The following KLHL29 variants were observed in gnomAD, a reference collection of about 807,000 sequenced individuals.
KLHL29 encodes the protein kelch like family member 29, also known as kelch-like protein 29.
A neutral mutation model predicts 80.4 loss-of-function variants in KLHL29; 21 were observed. That is an observed-to-expected ratio of 0.26 (90% CI 0.19 to 0.38). The LOEUF (loss-of-function observed/expected upper bound fraction) is 0.38. Among genes scored for constraint, KLHL29 ranks in the 10% least tolerant of loss-of-function variants. KLHL29 has a pLI of 1.00. For missense variants in KLHL29, 867 were observed against 1,223.9 expected (o/e 0.71, Z 4.35); for synonymous variants, 511 against 526.8 (o/e 0.97, Z 0.41).
At chr2:23,685,993 G>T (rs928411592) in intron 6 of KLHL29, among the ~76,000 whole-genome samples, 1 of 152,158 alleles carries the variant, frequency 6.6e-6, no homozygotes, top group Non-Finnish European at 1.5e-5. Context: ...CAGGGCCCTC[G>T]GATGGCTTTC....
intron 11 of KLHL29, among the ~76,000 whole-genome samples, chr2:23,698,204 CG>C (rs1558448198): frequency 1.3e-5 from 2 of 152,260 alleles, no homozygotes; most frequent in South Asian, 2.1e-4. Context: ...GAGACCACCC[CG>C]GGAACCCCAA....
At chr2:23,453,030 T>A (rs1322949781) in intron 1 of KLHL29, among the ~76,000 whole-genome samples, 1 of 151,910 alleles carries the variant, frequency 6.6e-6, no homozygotes, top group Non-Finnish European at 1.5e-5. Flanking sequence ...TGGGTCTGGG[T>A]TTGCCTCCCC....
At chr2:23,461,345 G>A (rs1412143203) in intron 1 of KLHL29, among the ~76,000 whole-genome samples, 1 of 152,064 alleles carries the variant, frequency 6.6e-6, no homozygotes, top group East Asian at 1.9e-4. Flanking sequence ...TCCTACTTTG[G>A]GTCTGAGCTC....
At chr2:23,421,092 G>T (rs961937913) in intron 1 of KLHL29, among the ~76,000 whole-genome samples, 3 of 152,228 alleles carry the variant, frequency 2.0e-5, no homozygotes, top group African/African-American at 7.2e-5. Flanking sequence ...CTGAGGCTCA[G>T]AAAGGCAGGG....
At chr2:23,422,632 CTGTGTTGTGTA>C (rs1485748919) in intron 1 of KLHL29, among the ~76,000 whole-genome samples, 1 of 149,080 alleles carries the variant, frequency 6.7e-6, no homozygotes, top group East Asian at 2.0e-4. Flanking sequence ...CTGTCTGTGT[CTGTGTTGTGTA>C]TGTGCCTGTG....
intron 5 of KLHL29, among the ~76,000 whole-genome samples, chr2:23,657,976 C>A (rs1375324573): frequency 6.6e-6 from 1 of 152,128 alleles, no homozygotes; most frequent in Non-Finnish European, 1.5e-5. Flanking sequence ...AGCCACGGGG[C>A]AGTTCGTGGA....
intron 1 of KLHL29, among the ~76,000 whole-genome samples, chr2:23,453,896 A>G (rs1301878587): frequency 3.9e-5 from 6 of 152,122 alleles, no homozygotes; most frequent in African/African-American, 1.4e-4. Context: ...CCCTTTAAAA[A>G]TGGGGAGGAG....
chr2:23,387,616 T>A (rs11125010), intron 1 of KLHL29, among the ~76,000 whole-genome samples: 23,031 of 151,884 alleles, frequency 0.15, 3,337 homozygotes, highest in African/African-American at 0.36. Context: ...TAGATTGTTC[T>A]TTCCGACACT....
chr2:23,453,262 C>T (rs1253322992), intron 1 of KLHL29, among the ~76,000 whole-genome samples: 2 of 152,286 alleles, frequency 1.3e-5, no homozygotes, highest in South Asian at 2.1e-4. Flanking sequence ...GTAACCACAC[C>T]GTAGCTCAGT....
intron 3 of KLHL29, among the ~76,000 whole-genome samples, chr2:23,625,220 C>A (rs1376080115): frequency 6.6e-6 from 1 of 152,256 alleles, no homozygotes; most frequent in African/African-American, 2.4e-5. Flanking sequence ...GGTCTGTGCT[C>A]AGCCTCACAG....
At chr2:23,520,402 C>T (rs188027675) in intron 2 of KLHL29, among the ~76,000 whole-genome samples, 35 of 152,316 alleles carry the variant, frequency 2.3e-4, no homozygotes, top group African/African-American at 7.7e-4. Flanking sequence ...TTCTGTGATT[C>T]GTTGACTACT....
chr2:23,677,851 A>G (rs1670966688), intron 5 of KLHL29, among the ~76,000 whole-genome samples: 1 of 152,184 alleles, frequency 6.6e-6, no homozygotes, highest in African/African-American at 2.4e-5. Flanking sequence ...CTCTGAGTTT[A>G]TAATTTTTTC....
At chr2:23,692,310 T>G (rs1001137531) in intron 7 of KLHL29, among the ~76,000 whole-genome samples, 5 of 152,212 alleles carry the variant, frequency 3.3e-5, no homozygotes, top group Non-Finnish European at 4.4e-5. Context: ...GGTCTAGACA[T>G]CTGAACTGTC....
chr2:23,495,332 G>T (rs568025639), intron 2 of KLHL29, among the ~76,000 whole-genome samples: 1 of 152,310 alleles, frequency 6.6e-6, no homozygotes, highest in African/African-American at 2.4e-5. Context: ...TGGTGCCCAT[G>T]CCATGCTTTT....
At chr2:23,491,667 G>C (rs1263739128) in intron 2 of KLHL29, among the ~76,000 whole-genome samples, 1 of 152,104 alleles carries the variant, frequency 6.6e-6, no homozygotes, top group Non-Finnish European at 1.5e-5. Context: ...GGGTGCTACT[G>C]ATCTCCTGTT....
intron 2 of KLHL29, among the ~76,000 whole-genome samples, chr2:23,518,322 C>T (rs186520859): frequency 3.7e-4 from 56 of 152,316 alleles, no homozygotes; most frequent in Admixed American, 5.9e-4. Context: ...AAGATGTAAG[C>T]GTTGGAGCCT....
rs1421642787 is a variant in KLHL29 at position 23,696,051 on chromosome 2, G to A, written c.1842G>A (p.Lys614=). Residue 614 remains lysine, a synonymous_variant, in exon 10 of 14, where the codon AAG becomes AAA. Transcript: ENST00000486442. This position sits in a 1 kb window ranked among gnomAD's most constrained non-coding sequence, Gnocchi z 5.5. ...CCTGCTGGAACCCGCAGAACAACAA[G>A]TGGTACCCCTTGGCCTCGCTGCCCT... ...AVTCWNPQNN[K]WYPLASLPFY... is the part of the protein sequence containing the mutation. The A allele has an allele frequency of 1.9e-6, 3 of 1,551,800 alleles. No homozygotes were observed. Among genetic ancestry groups the A allele is most frequent in the Non-Finnish European group, 1.7e-6 (2 of 1,147,010 alleles).
chr2:23,479,629 C>T (rs996503798), intron 2 of KLHL29, among the ~76,000 whole-genome samples: 2 of 152,194 alleles, frequency 1.3e-5, no homozygotes, highest in African/African-American at 4.8e-5. Context: ...GACCATTTCT[C>T]CAGTGGCTCA....
At chr2:23,608,286 T>C (rs966062237) in intron 3 of KLHL29, among the ~76,000 whole-genome samples, 1 of 152,216 alleles carries the variant, frequency 6.6e-6, no homozygotes, top group African/African-American at 2.4e-5. Context: ...TTATTTTGTG[T>C]TCTCCTAAAC....
Sources: gnomAD v4.1 joint callset for allele counts (sites outside exome capture counted in the v4.1 genomes callset) on GRCh38, gnomAD v4.1.1 for gene constraint, Gnocchi (gnomAD v3.1) non-coding constraint, MANE v1.5 for transcripts, NCBI Gene and HGNC (gene_info 2026-07-23, HGNC 2026-07-21) for gene names.